NEGR1: variants seen among roughly 807,000 people sequenced by gnomAD.
NEGR1 encodes neuronal growth regulator 1, also known as IgLON family member 4.
A neutral mutation model predicts 40.9 loss-of-function variants in NEGR1; 10 were observed. The ratio of observed to expected loss-of-function variants is 0.24; its 90% CI spans 0.15 to 0.42. The LOEUF is 0.42. Among genes scored for constraint, NEGR1 ranks in the 10% least tolerant of loss-of-function variants. The probability of loss-of-function intolerance (pLI) is 1.00; values close to 1 mark genes in which losing one functional copy is unlikely to be tolerated. For synonymous variants in NEGR1, 185 were observed against 166.8 expected (o/e 1.11, Z -0.84); for missense variants, 352 against 438.9 (o/e 0.80, Z 1.77).
chr1:71,621,673 G>A (rs903196418), intron 4 of NEGR1, among the ~76,000 whole-genome samples: 1 of 151,744 alleles, frequency 6.6e-6, no homozygotes, highest in Non-Finnish European at 1.5e-5. Flanking sequence ...GATTTTAGGA[G>A]GATGAATGAA....
rs1204716406 is a variant in NEGR1 at position 71,691,324 on chromosome 1, A to G, written c.667+6684T>C. On this transcript the variant is annotated intron_variant, in intron 4 of 6. Coordinates refer to ENST00000357731, the MANE Select transcript of NEGR1 (RefSeq NM_173808.3). ...ACACCATGAAAGTCCCAAGGTGAAT[A>G]AAAAAGGTTTAATTCTTAGTTTTTT... is the stretch of plus-strand genomic sequence containing the variant. 3.3e-5 allele frequency among the ~76,000 whole-genome samples: 5 copies of G among 151,982 alleles called. No individual in the cohort carries two copies. The South Asian group carries it at 1.0e-3, about 31-fold the overall frequency.
chr1:71,449,620 G>T lies in NEGR1; in HGVS notation c.941-42050C>A, dbSNP rs1387082588. The stretch of plus-strand genomic sequence containing the variant: ...GTTCAAATTATTAAATTATGTGCTA[G>T]TGTCATTTGAGTAGCACTTTAAAAG... On this transcript the variant is annotated intron_variant, in intron 6 of 6. Transcript: ENST00000357731. Among the ~76,000 whole-genome samples, 4 of 152,292 alleles carry T rather than the reference G, an allele frequency of 2.6e-5. 1 individual carries two copies. The highest frequency in any genetic ancestry group is 3.9e-4 in the East Asian group (2 of 5,192).
intron 1 of NEGR1, among the ~76,000 whole-genome samples, chr1:72,110,478 G>A (rs564498846): frequency 6.6e-6 from 1 of 151,434 alleles, no homozygotes; most frequent in Admixed American, 6.6e-5. Flanking sequence ...TTTTATGGTA[G>A]CCATGGTAAT....
chr1:71,489,504 A>AT (rs1363263923), intron 6 of NEGR1, among the ~76,000 whole-genome samples: 2 of 151,732 alleles, frequency 1.3e-5, no homozygotes, highest in African/African-American at 4.8e-5. Flanking sequence ...TTGATAGAGT[A>AT]TTTTTTCCTA....
At chr1:71,759,752 A>G (rs556172482) in intron 3 of NEGR1, among the ~76,000 whole-genome samples, 22 of 150,842 alleles carry the variant, frequency 1.5e-4, no homozygotes, top group Non-Finnish European at 2.5e-4. Flanking sequence ...TGGGATTACA[A>G]GCCTGTGCCA....
chr1:71,844,114 G>A (rs1044478775), intron 2 of NEGR1, among the ~76,000 whole-genome samples: 2 of 152,278 alleles, frequency 1.3e-5, no homozygotes, highest in South Asian at 2.1e-4. Flanking sequence ...GACAGGTTCT[G>A]TATTTTTAAA....
At chr1:72,177,487 G>A (rs999119448) in intron 1 of NEGR1, among the ~76,000 whole-genome samples, 1 of 151,784 alleles carries the variant, frequency 6.6e-6, no homozygotes, top group Non-Finnish European at 1.5e-5. Flanking sequence ...GAACATCATT[G>A]TACATATACA....
rs150930901 is a variant in NEGR1 at position 72,229,236 on chromosome 1, G to A, written c.176+53083C>T. Among the ~76,000 whole-genome samples the A allele has an allele frequency of 5.1e-3, 773 of 151,584 alleles. 5 individuals are homozygous for A. The highest frequency in any genetic ancestry group is 0.018 in the African/African-American group (744 of 41,418). On this transcript the variant is annotated intron_variant, in intron 1 of 6. Transcript: ENST00000357731. Reference sequence around the variant, plus strand: ...TAGTAACATCACATTCTACTACAATGATTAGGTTGATCCTGGAATCCATAT... The same window carrying A: ...TAGTAACATCACATTCTACTACAATAATTAGGTTGATCCTGGAATCCATAT...
At chr1:71,966,103 T>C (rs1410927562) in intron 1 of NEGR1, among the ~76,000 whole-genome samples, 3 of 152,196 alleles carry the variant, frequency 2.0e-5, no homozygotes, top group African/African-American at 7.2e-5. Flanking sequence ...ATAATATTTG[T>C]TACTAGTAGA....
intron 4 of NEGR1, among the ~76,000 whole-genome samples, chr1:71,690,959 G>T (rs1215036935): frequency 6.6e-6 from 1 of 151,822 alleles, no homozygotes; most frequent in Non-Finnish European, 1.5e-5. Context: ...AGGAAAAGGA[G>T]AAATAATAAA....
chr1:71,732,444 C>G (rs1654908758), intron 3 of NEGR1, among the ~76,000 whole-genome samples: 1 of 151,970 alleles, frequency 6.6e-6, no homozygotes, highest in African/African-American at 2.4e-5. Flanking sequence ...TTATACTAAT[C>G]AGTTACTGCC....
intron 1 of NEGR1, among the ~76,000 whole-genome samples, chr1:72,096,961 T>G (rs1569958086): frequency 6.6e-6 from 1 of 152,108 alleles, no homozygotes; most frequent in South Asian, 2.1e-4. Context: ...GGATTACAGG[T>G]GTGAGCCACC....
intron 4 of NEGR1, among the ~76,000 whole-genome samples, chr1:71,665,158 A>G (rs1652196828): frequency 6.6e-6 from 1 of 152,218 alleles, no homozygotes; most frequent in Non-Finnish European, 1.5e-5. Flanking sequence ...AATGAAGGAT[A>G]CTTAAAAGTA....
chr1:71,544,497 A>C (rs1209913813), intron 6 of NEGR1, among the ~76,000 whole-genome samples: 7 of 151,740 alleles, frequency 4.6e-5, no homozygotes, highest in African/African-American at 1.7e-4. Context: ...AACCTAAAAA[A>C]CAGGGAAAAT....
At chr1:71,988,671 A>G (rs1307558183) in intron 1 of NEGR1, among the ~76,000 whole-genome samples, 1 of 151,954 alleles carries the variant, frequency 6.6e-6, no homozygotes, top group African/African-American at 2.4e-5. Flanking sequence ...TGCTAAATCT[A>G]AAGGGGCACA....
chr1:71,541,960 G>C (rs767371286), intron 6 of NEGR1, among the ~76,000 whole-genome samples: 21 of 151,632 alleles, frequency 1.4e-4, no homozygotes, highest in Admixed American at 9.9e-4. Flanking sequence ...CCATTTTCCT[G>C]ACACTATTCT....
At chr1:71,988,545 CAAAAAA>C (rs1197884975) in intron 1 of NEGR1, among the ~76,000 whole-genome samples, 1,398 of 39,638 alleles carry the variant, frequency 0.035, 17 homozygotes, top group African/African-American at 0.12. Context: ...GACTCCGTCT[CAAAAAA>C]AAAAAAAAAA....
chr1:72,135,384 A>T (rs1270036269), intron 1 of NEGR1, among the ~76,000 whole-genome samples: 4 of 136,340 alleles, frequency 2.9e-5, no homozygotes, highest in Admixed American at 7.9e-5. Context: ...TCAAAAAAAA[A>T]AAAAACAAAA....
intron 6 of NEGR1, among the ~76,000 whole-genome samples, chr1:71,473,140 A>G (rs1229924073): frequency 6.6e-6 from 1 of 152,118 alleles, no homozygotes. Context: ...TGATAAGATA[A>G]CAGTTGAGAC....
Sources: allele counts gnomAD v4.1 joint callset (sites outside exome capture counted in the v4.1 genomes callset), GRCh38; gene constraint gnomAD v4.1.1; transcripts MANE v1.5; gene names NCBI Gene and HGNC (gene_info 2026-07-23, HGNC 2026-07-21).